NR6A1: variants seen among roughly 807,000 people sequenced by gnomAD.
NR6A1 encodes the protein nuclear receptor subfamily 6 group A member 1.
A neutral mutation model predicts 59.1 loss-of-function variants in NR6A1; 7 were observed. That is an observed-to-expected ratio of 0.12 (90% CI 0.07 to 0.22). The LOEUF (loss-of-function observed/expected upper bound fraction) is 0.22. NR6A1 is among the 10% of genes least tolerant of loss of function. The pLI is 1.00. For synonymous variants in NR6A1, 243 were observed against 236.1 expected, an observed-to-expected ratio of 1.03 and a Z score of -0.27; for missense variants, 468 against 611.6, an observed-to-expected ratio of 0.77 and a Z score of 2.48.
chr9:124,745,250 T>C (rs967952679), intron 1 of NR6A1, among the ~76,000 whole-genome samples: 2 of 130,382 alleles, frequency 1.5e-5, no homozygotes, highest in African/African-American at 2.7e-5. Context: ...CCAATACATA[T>C]ATACATGAAA....
chr9:124,607,407 TG>T (rs1435245464), intron 2 of NR6A1: 1 of 152,230 alleles, frequency 6.6e-6, no homozygotes, highest in Non-Finnish European at 1.5e-5. Flanking sequence ...GGACTGTGCC[TG>T]TCCGTAGCCA....
At chr9:124,681,297 A>G (rs1047861323) in intron 2 of NR6A1, among the ~76,000 whole-genome samples, 4 of 151,990 alleles carry the variant, frequency 2.6e-5, no homozygotes, top group Non-Finnish European at 5.9e-5. Context: ...CACTTCAAGG[A>G]AAACAAGTGA....
intron 2 of NR6A1, among the ~76,000 whole-genome samples, chr9:124,639,297 G>A (rs1836705254): frequency 6.6e-6 from 1 of 152,174 alleles, no homozygotes; most frequent in Non-Finnish European, 1.5e-5. Context: ...AATGGAGAAA[G>A]AACATGCCAA....
At chr9:124,527,424 C>T (rs914681419) in intron 7 of NR6A1, among the ~76,000 whole-genome samples, 2 of 152,200 alleles carry the variant, frequency 1.3e-5, no homozygotes, top group Admixed American at 1.3e-4. Flanking sequence ...TGAGGTTATG[C>T]ATAGTGAAAA....
chr9:124,535,459 T>C (rs980512755), intron 7 of NR6A1, among the ~76,000 whole-genome samples: 4 of 151,876 alleles, frequency 2.6e-5, no homozygotes, highest in African/African-American at 9.7e-5. Flanking sequence ...GCACCTGTAA[T>C]CCCAACTACT....
At chr9:124,759,499 T>C (rs1042391740) in intron 1 of NR6A1, among the ~76,000 whole-genome samples, 2 of 152,240 alleles carry the variant, frequency 1.3e-5, no homozygotes, top group African/African-American at 4.8e-5. Context: ...CTTTCCCTTA[T>C]ATTTTGTAGA....
intron 8 of NR6A1, among the ~76,000 whole-genome samples, chr9:124,525,362 G>A (rs1437700825): frequency 6.7e-6 from 1 of 148,182 alleles, no homozygotes; most frequent in Non-Finnish European, 1.5e-5. Flanking sequence ...TCTTCTTCCT[G>A]GGCTGTCCCT....
At position 124,771,113 on chromosome 9, in the gene NR6A1, G is replaced by T; in HGVS notation, c.7C>A (p.Arg3=). 8.1e-7 allele frequency: 1 copy of T among 1,228,964 alleles called. No homozygotes were observed. Among genetic ancestry groups the T allele is most frequent in the Non-Finnish European group, 1.0e-6 (1 of 985,448 alleles). The allele number at this position is 1,228,964 out of a possible 1,614,324, so 76.1% of individuals were successfully genotyped here. A position where few individuals can be genotyped will look rare whatever the true frequency, so the allele number is the denominator to read the frequency against. The stretch of plus-strand genomic sequence containing the variant: ...CCTCCGCTAGGCGGCGGTTCGTCCC[G>T]CTCCATGCGGTGGTGCCTAGGGTCC... The part of the protein sequence containing the change: ME[R]DEPPPSGGGG... Residue 3 remains arginine, a synonymous_variant, in exon 1 of 10, where the codon CGG becomes AGG. Coordinates refer to ENST00000487099, the MANE Select transcript of NR6A1 (RefSeq NM_033334.4).
At chr9:124,626,631 T>C (rs1836248214) in intron 2 of NR6A1, among the ~76,000 whole-genome samples, 1 of 152,150 alleles carries the variant, frequency 6.6e-6, no homozygotes, top group African/African-American at 2.4e-5. Flanking sequence ...TAAAAGGCTA[T>C]CCCTAATAAT....
chr9:124,732,145 C>T (rs945149681), intron 2 of NR6A1, among the ~76,000 whole-genome samples: 3 of 152,186 alleles, frequency 2.0e-5, no homozygotes, highest in South Asian at 2.1e-4. Flanking sequence ...AGGGCAGAGG[C>T]GAATATGTGA....
At chr9:124,738,808 G>A (rs1051801448) in intron 1 of NR6A1, among the ~76,000 whole-genome samples, 1 of 152,016 alleles carries the variant, frequency 6.6e-6, no homozygotes, top group African/African-American at 2.4e-5. Context: ...TTTGAGACCA[G>A]CTTGGCCAAC....
intron 3 of NR6A1, among the ~76,000 whole-genome samples, chr9:124,547,216 C>T (rs1375453397): frequency 6.6e-6 from 1 of 152,186 alleles, no homozygotes. Context: ...AACTCATATG[C>T]CTACCATTCT....
chr9:124,533,417 C>G (rs74890165), intron 7 of NR6A1, among the ~76,000 whole-genome samples: 1,572 of 152,286 alleles, frequency 0.01, 27 homozygotes, highest in African/African-American at 0.036. Flanking sequence ...CACCCTGAAG[C>G]CAGTAAGCAT....
intron 2 of NR6A1, among the ~76,000 whole-genome samples, chr9:124,723,514 C>CG (rs1839623936): frequency 6.6e-6 from 1 of 152,172 alleles, no homozygotes; most frequent in Non-Finnish European, 1.5e-5. Flanking sequence ...ACTCTGAACA[C>CG]GCCCAATCTC....
At chr9:124,581,132 A>T (rs929900871) in intron 2 of NR6A1, among the ~76,000 whole-genome samples, 3 of 152,224 alleles carry the variant, frequency 2.0e-5, no homozygotes, top group African/African-American at 7.2e-5. Flanking sequence ...AAAGACTTAA[A>T]TGTAAAACCC....
chr9:124,628,210 T>C lies in NR6A1; in HGVS notation c.143-73640A>G, dbSNP rs183922326. On this transcript the variant is annotated intron_variant, in intron 2 of 9. Coordinates refer to ENST00000487099, the MANE Select transcript of NR6A1 (RefSeq NM_033334.4). ...ACCCAGGTAATTTTTGTATTATTAG[T>C]AGAGACGGGGTTTAACCACGTTGGC... Among the ~76,000 whole-genome samples the C allele has an allele frequency of 2.0e-3, 301 of 152,208 alleles. 4 individuals are homozygous for C. The highest frequency in any genetic ancestry group is 2.2e-3 in the Non-Finnish European group (151 of 68,000).
At chr9:124,603,197 T>C (rs955695769) in intron 2 of NR6A1, among the ~76,000 whole-genome samples, 38 of 152,196 alleles carry the variant, frequency 2.5e-4, no homozygotes, top group Non-Finnish European at 2.1e-4. Context: ...ATTAATCTCA[T>C]GTACTCCAAA....
intron 1 of NR6A1, among the ~76,000 whole-genome samples, chr9:124,768,914 G>A (rs1841021202): frequency 6.6e-6 from 1 of 152,106 alleles, no homozygotes. Flanking sequence ...TTCACACATA[G>A]GAAGGCATCA....
At chr9:124,664,284 G>A (rs1837536698) in intron 2 of NR6A1, among the ~76,000 whole-genome samples, 1 of 152,222 alleles carries the variant, frequency 6.6e-6, no homozygotes, top group Non-Finnish European at 1.5e-5. Flanking sequence ...GCAAACAGCG[G>A]AAGTGTAAGG....
Sources: allele counts gnomAD v4.1 joint callset (sites outside exome capture counted in the v4.1 genomes callset), GRCh38; gene constraint gnomAD v4.1.1; transcripts MANE v1.5; gene names NCBI Gene and HGNC (gene_info 2026-07-23, HGNC 2026-07-21).